Variants in GPC5 observed in about 807,000 individuals in gnomAD.
GPC5 encodes the protein glypican 5.
Under a neutral mutation model 53.9 loss-of-function variants are expected in GPC5, and 47 were observed. The observed-to-expected ratio is 0.87, with a 90% CI of 0.69 to 1.11. The LOEUF (loss-of-function observed/expected upper bound fraction) is 1.11, where lower values mean the gene tolerates loss of function less well. Among genes scored for constraint, GPC5 ranks in the 50% most tolerant of loss-of-function variants. The pLI is 0.00. For missense variants in GPC5, 748 were observed against 713.1 expected (o/e 1.05, Z -0.56); for synonymous variants, 286 against 263.3 (o/e 1.09, Z -0.84).
rs539570619 is a variant in GPC5, at chr13:91,685,648, C to G, written c.326-7539C>G. ...CTGTAGATTCTAAGCTTTATAAGGA[C>G]AGAAACTTGTATGGCTTATTCAGTT... On this transcript the variant is annotated intron_variant, in intron 2 of 7. Transcript: ENST00000377067. Among the ~76,000 whole-genome samples the G allele has an allele frequency of 5.9e-5, 9 of 152,146 alleles. No homozygotes were observed. The East Asian group carries it at 1.7e-3, about 29-fold the overall frequency.
intron 7 of GPC5, among the ~76,000 whole-genome samples, chr13:92,263,863 G>A (rs2042782784): frequency 6.6e-6 from 1 of 152,118 alleles, no homozygotes; most frequent in African/African-American, 2.4e-5. Context: ...CCTGGAAATG[G>A]AAAATCATTC....
intron 5 of GPC5, among the ~76,000 whole-genome samples, chr13:91,854,957 C>G (rs1384141237): frequency 6.6e-6 from 1 of 151,430 alleles, no homozygotes; most frequent in African/African-American, 2.4e-5. Context: ...TTTCTATTCT[C>G]TAAGATGTTC....
At chr13:92,477,609 T>G (rs887593853) in intron 7 of GPC5, among the ~76,000 whole-genome samples, 5 of 152,180 alleles carry the variant, frequency 3.3e-5, no homozygotes, top group Admixed American at 1.3e-4. Flanking sequence ...TTTTGTGTTT[T>G]TATAATAAAA....
intron 1 of GPC5, among the ~76,000 whole-genome samples, chr13:91,429,460 A>G (rs1169011044): frequency 6.6e-6 from 1 of 152,212 alleles, no homozygotes; most frequent in Non-Finnish European, 1.5e-5. Flanking sequence ...TGATTGGAAG[A>G]GGTTTGAATG....
chr13:91,474,903 A>G (rs1213237961), intron 2 of GPC5, among the ~76,000 whole-genome samples: 1 of 152,332 alleles, frequency 6.6e-6, no homozygotes, highest in African/African-American at 2.4e-5. Flanking sequence ...CTATTAAAGT[A>G]TATAGCATTT....
chr13:92,283,677 A>T (rs1010501436), intron 7 of GPC5, among the ~76,000 whole-genome samples: 6 of 152,232 alleles, frequency 3.9e-5, no homozygotes, highest in African/African-American at 1.4e-4. Context: ...AGAAATAAAG[A>T]TGTTCTTTGA....
intron 7 of GPC5, among the ~76,000 whole-genome samples, chr13:92,303,433 A>G (rs1402259573): frequency 6.6e-6 from 1 of 152,122 alleles, no homozygotes; most frequent in Non-Finnish European, 1.5e-5. Flanking sequence ...GAATGAGCAG[A>G]AGTTAGGATT....
chr13:91,738,969 C>T (rs567815239), intron 4 of GPC5, among the ~76,000 whole-genome samples: 1 of 151,330 alleles, frequency 6.6e-6, no homozygotes, highest in African/African-American at 2.5e-5. Context: ...TATCTAGAAT[C>T]TTTTTGCTTT....
rs1566567283 is a variant in GPC5 at position 92,385,383 on chromosome 13, T to TATATATAC, written c.1561+240404_1561+240411dup. On this transcript the variant is annotated intron_variant, in intron 7 of 7. Coordinates refer to ENST00000377067, the MANE Select transcript of GPC5 (RefSeq NM_004466.6). The stretch of plus-strand genomic sequence containing the variant: ...ATATACATATATATACATATATACA[T>TATATATAC]ATATATACATATATACACATATATA... Among the ~76,000 whole-genome samples, 323 of 39,264 alleles carry TATATATAC rather than the reference T, an allele frequency of 8.2e-3. 8 individuals carry two copies. Among genetic ancestry groups the TATATATAC allele is most frequent in the African/African-American group, 0.023 (311 of 13,412 alleles). 25.8% of individuals were successfully genotyped at this position (39,264 alleles called of 152,430 possible).
intron 7 of GPC5, among the ~76,000 whole-genome samples, chr13:92,192,724 A>G (rs1174964518): frequency 2.6e-5 from 4 of 152,226 alleles, no homozygotes; most frequent in Admixed American, 2.6e-4. Flanking sequence ...TTTTATGTCT[A>G]TGCCCACGTA....
At chr13:92,728,200 T>A (rs1396869832) in intron 7 of GPC5, among the ~76,000 whole-genome samples, 1 of 151,556 alleles carries the variant, frequency 6.6e-6, no homozygotes, top group African/African-American at 2.4e-5. Flanking sequence ...TCTTTACCAT[T>A]ATGAAGTCAA....
intron 6 of GPC5, among the ~76,000 whole-genome samples, chr13:92,030,076 A>T (rs1312906465): frequency 2.0e-5 from 3 of 152,254 alleles, no homozygotes; most frequent in African/African-American, 7.2e-5. Context: ...TAAACATTGT[A>T]TGAAAGTATC....
At chr13:92,226,837 C>T (rs1367561662) in intron 7 of GPC5, among the ~76,000 whole-genome samples, 5 of 151,692 alleles carry the variant, frequency 3.3e-5, no homozygotes, top group South Asian at 2.1e-4. Flanking sequence ...TGATCTCAGG[C>T]GATCCATCTG....
chr13:91,460,086 A>G (rs1027629488), intron 2 of GPC5, among the ~76,000 whole-genome samples: 3 of 152,140 alleles, frequency 2.0e-5, no homozygotes, highest in African/African-American at 7.2e-5. Flanking sequence ...CAACATGCTT[A>G]TGTAAAAATT....
intron 7 of GPC5, among the ~76,000 whole-genome samples, chr13:92,460,760 A>T (rs1454990946): frequency 6.6e-6 from 1 of 152,158 alleles, no homozygotes; most frequent in East Asian, 1.9e-4. Flanking sequence ...AAGAAGACTT[A>T]ATGTTCTGAG....
intron 7 of GPC5, among the ~76,000 whole-genome samples, chr13:92,547,425 G>C (rs759591188): frequency 2.0e-5 from 3 of 152,142 alleles, no homozygotes; most frequent in Non-Finnish European, 4.4e-5. Context: ...ATTTTTACCT[G>C]TTTATTTTCA....
intron 6 of GPC5, among the ~76,000 whole-genome samples, chr13:92,006,915 G>A (rs769776388): frequency 1.3e-5 from 2 of 150,342 alleles, no homozygotes; most frequent in African/African-American, 2.4e-5. Flanking sequence ...GTACATTTTT[G>A]TAATGTTGTA....
intron 7 of GPC5, among the ~76,000 whole-genome samples, chr13:92,472,791 C>G (rs926065815): frequency 6.6e-6 from 1 of 152,032 alleles, no homozygotes; most frequent in Non-Finnish European, 1.5e-5. Context: ...AATGTTATGT[C>G]TGAGGGTTCC....
chr13:92,415,816 A>C (rs1876263250), intron 7 of GPC5, among the ~76,000 whole-genome samples: 1 of 152,204 alleles, frequency 6.6e-6, no homozygotes, highest in Non-Finnish European at 1.5e-5. Context: ...AGATGAACCA[A>C]TTTTGAATGC....
Sources: allele counts gnomAD v4.1 joint callset (sites outside exome capture counted in the v4.1 genomes callset), GRCh38; gene constraint gnomAD v4.1.1; transcripts MANE v1.5; gene names NCBI Gene and HGNC (gene_info 2026-07-23, HGNC 2026-07-21).